CDC37L1: variants seen among roughly 807,000 people sequenced by gnomAD.
The protein encoded by CDC37L1 is cell division cycle 37 like 1, HSP90 cochaperone.
Under a neutral mutation model 45.9 loss-of-function variants are expected in CDC37L1, and 32 were observed. The ratio of observed to expected loss-of-function variants is 0.70; its 90% CI spans 0.53 to 0.94. The LOEUF is 0.94. CDC37L1 is among the 40% of genes least tolerant of loss of function. CDC37L1 has a pLI of 0.00. For synonymous variants in CDC37L1, 150 were observed against 133.0 expected, an observed-to-expected ratio of 1.13 and a Z score of -0.88; for missense variants, 434 against 405.7, an observed-to-expected ratio of 1.07 and a Z score of -0.60.
Position 4,707,708 on chromosome 9 carries a change from C to G in CDC37L1, c.*1596C>G, listed in dbSNP as rs1419250826. The stretch of plus-strand genomic sequence containing the variant: ...CCTGTACTTTTTTTTTTTTTAAACC[C>G]ATGACCTAGTCGTAGACATTTTTTT... On this transcript the variant is annotated 3_prime_UTR_variant, in exon 7 of 7. Coordinates refer to ENST00000381854, the MANE Select transcript of CDC37L1 (RefSeq NM_017913.4). The G allele has an allele frequency of 6.6e-6, 1 of 150,826 alleles. No homozygotes were observed. The highest frequency in any genetic ancestry group is 1.5e-5 in the Non-Finnish European group (1 of 67,818). 9.3% of individuals were successfully genotyped at this position (150,826 alleles called of 1,614,324 possible). A position where few individuals can be genotyped will look rare whatever the true frequency, so the allele number is the denominator to read the frequency against.
rs1841401050 is a variant in CDC37L1, at chr9:4,701,876, G to A, written c.760G>A (p.Gly254Ser). The part of the protein sequence containing the change: ...FFQKAKAEEE[G>S]YFEAFKNELE... ...TTGTTTTTTCTAGGCAGAGGAAGAAGGTTATTTTGAAGCATTCAAAAATGA... is the reference window on the plus strand; with the variant it reads ...TTGTTTTTTCTAGGCAGAGGAAGAAAGTTATTTTGAAGCATTCAAAAATGA... Residue 254 changes from glycine (G) to serine (S), a missense_variant, in exon 6 of 7, where the codon GGT becomes AGT. Gly to Ser is a moderately conservative substitution (Grantham distance 56). Transcript: ENST00000381854. 1.3e-6 allele frequency: 2 copies of A among 1,599,648 alleles called. No homozygotes were observed. The highest frequency in any genetic ancestry group is 1.7e-6 in the Non-Finnish European group (2 of 1,174,944).
intron 3 of CDC37L1, 56 bp from the exon 4 acceptor site, chr9:4,697,040 C>A (rs1281330093): frequency 1.3e-6 from 1 of 754,090 alleles, no homozygotes; most frequent in Non-Finnish European, 2.3e-6. Flanking sequence ...GTATTTCTTC[C>A]CTTATGGGAA....
chr9:4,683,108 TAAA>T (rs1841213828), intron 1 of CDC37L1, among the ~76,000 whole-genome samples: 1 of 144,046 alleles, frequency 6.9e-6, no homozygotes, highest in African/African-American at 2.5e-5. Context: ...TTTTTATATA[TAAA>T]ATATATTTTA....
At position 4,684,954 on chromosome 9, in the gene CDC37L1, T is replaced by G; in HGVS notation, c.210T>G (p.Asn70Lys). The stretch of plus-strand genomic sequence containing the variant: ...AGAGCTCTGTGGCGTGCAAATGGAA[T>G]CTTGCTGAAGCTCAACAGAAACTTG... ...FVKSSVACKW[N>K]LAEAQQKLGS... The change falls in exon 2 of 7, where the codon AAT becomes AAG. Residue 70 changes from asparagine to lysine, a missense_variant. Physicochemically the swap from Asn to Lys is moderately conservative, Grantham distance 94. Transcript: ENST00000381854. The G allele has an allele frequency of 6.2e-7, 1 of 1,613,824 alleles. No individual in the cohort carries two copies. Among genetic ancestry groups the G allele is most frequent in the Non-Finnish European group, 8.5e-7 (1 of 1,179,804 alleles).
intron 3 of CDC37L1, among the ~76,000 whole-genome samples, chr9:4,689,043 T>G (rs1841276990): frequency 6.6e-6 from 1 of 152,134 alleles, no homozygotes; most frequent in Non-Finnish European, 1.5e-5. Flanking sequence ...AATATAGTAA[T>G]AGAAATGTAT....
chr9:4,702,746 G>A (rs1269568243), intron 6 of CDC37L1, among the ~76,000 whole-genome samples: 9 of 151,566 alleles, frequency 5.9e-5, no homozygotes, highest in Non-Finnish European at 8.8e-5. Flanking sequence ...AAAATTAGCC[G>A]GGCGTGGTGG....
chr9:4,703,394 A>C (rs1024247194), intron 6 of CDC37L1, among the ~76,000 whole-genome samples: 2 of 151,394 alleles, frequency 1.3e-5, no homozygotes, highest in East Asian at 3.9e-4. Context: ...GGAAATAATT[A>C]ATGTTTGATT....
At position 4,679,632 on chromosome 9, in the gene CDC37L1, G is replaced by T. The variant is rs981230079; in HGVS notation, c.-136G>T. ...CGGGTGTGCAGCGGCGTCGCGGCCA[G>T]TAGAGGGATTCTGGGTAACGGCCCG... On this transcript the variant is annotated 5_prime_UTR_variant, in exon 1 of 7. Transcript: ENST00000381854. 7.9e-6 allele frequency: 6 copies of T among 761,374 alleles called. No homozygotes were observed. The African/African-American group carries it at 9.0e-5, about 11-fold the overall frequency. 47.2% of individuals were successfully genotyped at this position (761,374 alleles called of 1,614,324 possible).
chr9:4,688,678 A>T, intron 3 of CDC37L1, 72 bp downstream of exon 3: 1 of 979,416 alleles, frequency 1.0e-6, no homozygotes, highest in Non-Finnish European at 1.4e-6. Context: ...AAATGGATTT[A>T]TAAAAAGAGA....
intron 5 of CDC37L1, 80 bp from the exon 6 acceptor site, chr9:4,701,784 C>A (rs1204685505): frequency 1.9e-6 from 2 of 1,035,338 alleles, no homozygotes. Flanking sequence ...CACTTCAAAC[C>A]TGTTATATGC....
intron 6 of CDC37L1, chr9:4,703,118 T>A (rs1175737076): frequency 1.3e-6 from 2 of 1,537,678 alleles, no homozygotes; most frequent in East Asian, 4.9e-5. Flanking sequence ...TTTAGCCAGT[T>A]TAATCTGTTG....
At chr9:4,682,965 ATAT>A (rs904753881) in intron 1 of CDC37L1, among the ~76,000 whole-genome samples, 122 of 144,824 alleles carry the variant, frequency 8.4e-4, no homozygotes, top group Non-Finnish European at 8.4e-4. Context: ...TTATTTTAAA[ATAT>A]TATATTTTAT....
intron 3 of CDC37L1, among the ~76,000 whole-genome samples, chr9:4,694,048 G>A (rs538455436): frequency 2.0e-5 from 3 of 152,138 alleles, no homozygotes; most frequent in Non-Finnish European, 2.9e-5. Flanking sequence ...AGTAATTTGA[G>A]GTATATGCTG....
intron 3 of CDC37L1, among the ~76,000 whole-genome samples, chr9:4,695,817 C>G (rs1325907603): frequency 1.3e-5 from 2 of 151,922 alleles, no homozygotes; most frequent in African/African-American, 4.8e-5. Context: ...GAGACAGAGT[C>G]TCTCGCTCTG....
At position 4,679,793 on chromosome 9, in the gene CDC37L1, G is replaced by A. The variant is rs560377407; in HGVS notation, c.26G>A (p.Gly9Glu). Residue 9 changes from glycine to glutamate, a missense_variant, in exon 1 of 7, where the codon GGA (glycine) becomes GAA (glutamate). Gly to Glu is a moderately conservative substitution (Grantham distance 98). Coordinates refer to ENST00000381854, the MANE Select transcript of CDC37L1 (RefSeq NM_017913.4). ...ATGGAACAACCGTGGCCGCCTCCGG[G>A]ACCCTGGAGCCTCCCTCGGGCCGAG... The part of the protein sequence containing the change: MEQPWPPP[G>E]PWSLPRAEGE... The A allele has an allele frequency of 6.8e-6, 11 of 1,613,534 alleles. No individual in the cohort carries two copies. The South Asian group carries it at 9.9e-5, about 14-fold the overall frequency.
intron 1 of CDC37L1, among the ~76,000 whole-genome samples, chr9:4,680,684 G>A (rs901028451): frequency 2.6e-5 from 4 of 152,058 alleles, no homozygotes; most frequent in African/African-American, 9.7e-5. Flanking sequence ...ACCTTGTCCT[G>A]TTTTTTTCTC....
At position 4,703,552 on chromosome 9, in the gene CDC37L1, T is replaced by C. The variant is rs369256156; in HGVS notation, c.912+1524T>C. On this transcript the variant is annotated intron_variant, in intron 6 of 6. Transcript: ENST00000381854. The stretch of plus-strand genomic sequence containing the variant: ...AGAAATAGCCCATAGGGAAGTAGTT[T>C]TTCCAGGGGAATTCTGTGACCAAGT... Among the ~76,000 whole-genome samples, 36 of 152,340 alleles carry C rather than the reference T, an allele frequency of 2.4e-4. No individual in the cohort carries two copies. The South Asian group carries it at 7.0e-3, about 30-fold the overall frequency.
At position 4,708,093 on chromosome 9, in the gene CDC37L1, C is replaced by G. The variant is rs978824193; in HGVS notation, c.*1981C>G. ...AGTGTGATTGGGTCTGTTGTGGGAA[C>G]CACTGACTGATGCCATAATTTGCAC... On this transcript the variant is annotated 3_prime_UTR_variant, in exon 7 of 7. Coordinates refer to ENST00000381854, the MANE Select transcript of CDC37L1 (RefSeq NM_017913.4). 6.6e-6 allele frequency: 1 copy of G among 152,186 alleles called. No individual in the cohort carries two copies. The highest frequency in any genetic ancestry group is 1.5e-5 in the Non-Finnish European group (1 of 68,038). The allele number at this position is 152,186 out of a possible 1,614,324, so 9.4% of individuals were successfully genotyped here.
At chr9:4,686,599 C>A (rs1841249583) in intron 2 of CDC37L1, among the ~76,000 whole-genome samples, 1 of 152,090 alleles carries the variant, frequency 6.6e-6, no homozygotes. Flanking sequence ...AAAATATTTT[C>A]ATTTTGTCTC....
Sources: allele counts gnomAD v4.1 joint callset (sites outside exome capture counted in the v4.1 genomes callset), GRCh38; gene constraint gnomAD v4.1.1; transcripts MANE v1.5; gene names NCBI Gene and HGNC (gene_info 2026-07-23, HGNC 2026-07-21).